The following NACA variants were observed in gnomAD, a reference collection of about 807,000 sequenced individuals.
NACA encodes nascent polypeptide-associated complex subunit alpha.
In NACA, 42 loss-of-function variants were observed where a neutral mutation model predicts 86.4. The observed-to-expected ratio is 0.49, with a 90% CI of 0.38 to 0.63. NACA has a LOEUF of 0.63. Ranked by LOEUF, NACA falls within the 20% of genes least tolerant of loss-of-function variation. The probability of loss-of-function intolerance (pLI) is 0.00; values close to 1 mark genes in which losing one functional copy is unlikely to be tolerated. For synonymous variants in NACA, 898 were observed against 973.7 expected (o/e 0.92, Z 1.45); for missense variants, 2,157 against 2,483.6 (o/e 0.87, Z 2.80).
chr12:56,718,824 A>G lies in NACA; in HGVS notation c.2706T>C (p.Thr902=). 1 of 1,439,438 alleles carries G rather than the reference A, an allele frequency of 6.9e-7. No homozygotes were observed. The highest frequency in any genetic ancestry group is 9.4e-7 in the Non-Finnish European group (1 of 1,068,610). 89.2% of individuals were successfully genotyped at this position (1,439,438 alleles called of 1,614,324 possible). ...NLPFPKEGPA[T]PAPKQAPALS... Reference sequence around the variant, plus strand: ...GAGCAGGAGCCTGTTTGGGTGCTGGAGTAGCTGGACCCTCTTTGGGGAAGG... The same window carrying G: ...GAGCAGGAGCCTGTTTGGGTGCTGGGGTAGCTGGACCCTCTTTGGGGAAGG... Residue 902 remains threonine, a synonymous_variant, in exon 3 of 9, where the codon ACT becomes ACC. Transcript: ENST00000454682.
chr12:56,719,491 G>A lies in NACA; in HGVS notation c.2039C>T (p.Thr680Ile), dbSNP rs140274839. 98 of 1,613,918 alleles carry A rather than the reference G, an allele frequency of 6.1e-5. No homozygotes were observed. Among genetic ancestry groups the A allele is most frequent in the South Asian group, 4.3e-4 (39 of 91,076 alleles). The change falls in exon 3 of 9, where the codon ACT becomes ATT. Residue 680 changes from threonine to isoleucine, a missense_variant. Transcript: ENST00000454682. The stretch of plus-strand genomic sequence containing the variant: ...GTGGTTTTTAGGAGCTAAAGAGACA[G>A]TTCCTTCTAGAAAAGGGCTGGCTGT... ...TTTASPFLEG[T>I]VSLAPKNHPV...
intron 8 of NACA, 32 bp from the exon 9 acceptor site, chr12:56,712,584 T>C (rs549642565): frequency 6.2e-7 from 1 of 1,612,552 alleles, no homozygotes; most frequent in South Asian, 1.1e-5. Flanking sequence ...TAGCGGTTCT[T>C]ATAGGCAAAT....
rs1953495809 is a variant in NACA, at chr12:56,719,144, G to A, written c.2386C>T (p.Pro796Ser). 6.8e-7 allele frequency: 1 copy of A among 1,460,934 alleles called. No homozygotes were observed. The highest frequency in any genetic ancestry group is 1.1e-5 in the South Asian group (1 of 88,838). 90.5% of individuals were successfully genotyped at this position (1,460,934 alleles called of 1,614,324 possible). A position where few individuals can be genotyped will look rare whatever the true frequency, so the allele number is the denominator to read the frequency against. Residue 796 changes from proline (P) to serine (S), a missense_variant, in exon 3 of 9, where the codon CCT (proline) becomes TCT (serine). Pro to Ser is a moderately conservative substitution (Grantham distance 74). Around this residue, in one of 8 missense-constraint regions of NACA, gnomAD observed 174 missense variants for 217.0 expected, o/e 0.80. Transcript: ENST00000454682. ...TGAGGAGACACACTAACCCCTAAAG[G>A]AGATGGGGAATCAGCTAGGTAAGTC... is the stretch of plus-strand genomic sequence containing the variant. ...TLTYLADSPSPLGVSVSPQTK... is the reference protein window; with the variant it reads ...TLTYLADSPSSLGVSVSPQTK...
Position 56,714,415 on chromosome 12 carries a change from C to T in NACA, c.5770G>A (p.Glu1924Lys), listed in dbSNP as rs1377682007. The part of the protein sequence containing the change: ...AQLAAAAEID[E>K]EPVSKAKQSR... ...TGTTTTGCTTTACTGACTGGTTCTT[C>T]ATCAATTTCAGCTGCTGCCGCCAGC... The change falls in exon 5 of 9, where the codon GAA becomes AAA. Residue 1924 changes from glutamate to lysine, a missense_variant. Transcript: ENST00000454682. 6.2e-7 allele frequency: 1 copy of T among 1,614,224 alleles called. No homozygotes were observed. Among genetic ancestry groups the T allele is most frequent in the Non-Finnish European group, 8.5e-7 (1 of 1,180,046 alleles).
Position 56,716,202 on chromosome 12 carries a change from A to T in NACA, c.5328T>A (p.Ala1776=), listed in dbSNP as rs1953355316. The T allele has an allele frequency of 6.2e-7, 1 of 1,613,632 alleles. No individual in the cohort carries two copies. The highest frequency in any genetic ancestry group is 8.5e-7 in the Non-Finnish European group (1 of 1,179,894). ...GTTTAGGAAGGACCTTCTCAAAGGC[A>T]GCTGCTGTTAGAGGGGTGGACGCCT... ...ESKASTPLTA[A]AFEKVLPKPE... Residue 1776 remains alanine, a synonymous_variant, in exon 3 of 9, where the codon GCT becomes GCA. Coordinates refer to ENST00000454682, the MANE Select transcript of NACA (RefSeq NM_001365896.1).
At position 56,713,522 on chromosome 12, in the gene NACA, G is replaced by T. The variant is rs201774060; in HGVS notation, c.5970+15C>A. ...AACCCTGGTCTGGAACAATGCCCAAGAAAAGTTTACTCACCTTGGCTTCCC... is the reference window on the plus strand; with the variant it reads ...AACCCTGGTCTGGAACAATGCCCAATAAAAGTTTACTCACCTTGGCTTCCC... On this transcript the variant is annotated intron_variant, in intron 6 of 8. Transcript: ENST00000454682. The T allele has an allele frequency of 9.9e-6, 16 of 1,613,022 alleles. No individual in the cohort carries two copies. In the African/African-American group the frequency reaches 2.0e-4, roughly 20 times the overall value.
Position 56,716,955 on chromosome 12 carries a change from G to GT in NACA, c.4574dup (p.Asp1525GlufsTer12). On this transcript the variant is annotated frameshift_variant, in exon 3 of 9. Coordinates refer to ENST00000454682, the MANE Select transcript of NACA (RefSeq NM_001365896.1). LOFTEE classifies it high-confidence loss of function. ...GAAGAGTCGCTGTTGGGGCAATGGG[G>GT]TCCCTTCTGGAGGATGGGGTAGCTG... 1 of 1,300,336 alleles carries GT rather than the reference G, an allele frequency of 7.7e-7. No homozygotes were observed. Among genetic ancestry groups the GT allele is most frequent in the Non-Finnish European group, 9.9e-7 (1 of 1,005,046 alleles). The allele number at this position is 1,300,336 out of a possible 1,614,324, so 80.5% of individuals were successfully genotyped here. A position where few individuals can be genotyped will look rare whatever the true frequency, so the allele number is the denominator to read the frequency against.
At chr12:56,714,162 A>G in intron 5 of NACA, 200 bp downstream of exon 5, 1 of 569,232 alleles carries the variant, frequency 1.8e-6, no homozygotes, top group East Asian at 3.0e-5. Context: ...GTTACTTTCA[A>G]CGGGATTCTA....
intron 4 of NACA, 52 bp from the exon 5 acceptor site, chr12:56,714,491 AC>A (rs1409877057): frequency 4.4e-6 from 7 of 1,605,902 alleles, no homozygotes; most frequent in Non-Finnish European, 6.0e-6. Context: ...TCTGGATAGC[AC>A]AATCTCCTTG....
In NACA at chr12:56,719,115, AG is replaced by A. The variant is rs1953494786; in HGVS notation, c.2414del (p.Thr805IlefsTer66). On this transcript the variant is annotated frameshift_variant, in exon 3 of 9. Coordinates refer to ENST00000454682, the MANE Select transcript of NACA (RefSeq NM_001365896.1). LOFTEE classifies it high-confidence loss of function. ...AACCCTTCTTGGTTGGAGGTCTTTT[AG>A]TCTGAGGAGACACACTAACCCCTAA... ...SPLGVSVSPQ[T>X]KRPPTKKGSA... 1 of 1,454,266 alleles carries A rather than the reference AG, an allele frequency of 6.9e-7. No homozygotes were observed. The highest frequency in any genetic ancestry group is 9.3e-7 in the Non-Finnish European group (1 of 1,076,186). 90.1% of individuals were successfully genotyped at this position (1,454,266 alleles called of 1,614,324 possible). A position where few individuals can be genotyped will look rare whatever the true frequency, so the allele number is the denominator to read the frequency against.
Position 56,716,448 on chromosome 12 carries a change from T to G in NACA, c.5082A>C (p.Pro1694=), listed in dbSNP as rs774779922. The change falls in exon 3 of 9, where the codon CCA becomes CCC. Residue 1694 remains proline (P), a synonymous_variant. Coordinates refer to ENST00000454682, the MANE Select transcript of NACA (RefSeq NM_001365896.1). ...VLVAPAPEST[P]IITAPTRKGP... is the part of the protein sequence containing the mutation. Reference sequence around the variant, plus strand: ...CTTTCCGAGTGGGAGCTGTGATGATTGGCGTGCTTTCTGGAGCTGGGGCAA... The same window carrying G: ...CTTTCCGAGTGGGAGCTGTGATGATGGGCGTGCTTTCTGGAGCTGGGGCAA... 6.3e-7 allele frequency: 1 copy of G among 1,575,968 alleles called. No individual in the cohort carries two copies.
chr12:56,714,277 T>C (rs1953288349), intron 5 of NACA, 85 bp downstream of exon 5: 1 of 1,425,418 alleles, frequency 7.0e-7, no homozygotes, highest in Non-Finnish European at 9.8e-7. Flanking sequence ...AAATACCACC[T>C]GTTCCCCAAA....
At chr12:56,713,275 C>A in intron 6 of NACA, 85 bp from the exon 7 acceptor site, 2 of 1,497,860 alleles carry the variant, frequency 1.3e-6, no homozygotes, top group Non-Finnish European at 1.8e-6. Context: ...TCTCTGTAAA[C>A]CCATTCAGGT....
rs1389885908 is a variant in NACA, at chr12:56,724,470, G to C, written c.52C>G (p.Gln18Glu). Reference sequence around the variant, plus strand: ...AACCTACCTGTCTCAGCCTGGGGCTGCGGCAACTCCTGCTCTGTAGCAGGG... The same window carrying C: ...AACCTACCTGTCTCAGCCTGGGGCTCCGGCAACTCCTGCTCTGTAGCAGGG... ...TVPATEQELP[Q>E]PQAETAVLPM... is the part of the protein sequence containing the mutation. Residue 18 changes from glutamine to glutamate, a missense_variant, in exon 2 of 9, where the codon CAG becomes GAG. This residue lies in a region of NACA where 947 missense variants were observed against 917.9 expected (regional missense o/e 1.03). Transcript: ENST00000454682. 6.2e-7 allele frequency: 1 copy of C among 1,612,288 alleles called. No homozygotes were observed. The highest frequency in any genetic ancestry group is 8.5e-7 in the Non-Finnish European group (1 of 1,179,314).
chr12:56,719,280 C>CT lies in NACA; in HGVS notation c.2249dup (p.Val751GlyfsTer2), dbSNP rs1045997377. On this transcript the variant is annotated frameshift_variant, in exon 3 of 9. Coordinates refer to ENST00000454682, the MANE Select transcript of NACA (RefSeq NM_001365896.1). LOFTEE classifies it high-confidence loss of function. The stretch of plus-strand genomic sequence containing the variant: ...CTGAAGTATGAGAAATACCATCAAC[C>CT]TTTTTTGTACCTGGAGGAGTCCCAG... 13 of 1,580,762 alleles carry CT rather than the reference C, an allele frequency of 8.2e-6. No homozygotes were observed. The highest frequency in any genetic ancestry group is 1.1e-5 in the South Asian group (1 of 89,806).
At position 56,720,736 on chromosome 12, in the gene NACA, C is replaced by A. The variant is rs1185945942; in HGVS notation, c.794G>T (p.Ser265Ile). Reference sequence around the variant, plus strand: ...AGGTGGACTAACAGGCCCCTTCAGGCTGAGGCTTCCTGGGTTTTGTGGAGA... The same window carrying A: ...AGGTGGACTAACAGGCCCCTTCAGGATGAGGCTTCCTGGGTTTTGTGGAGA... ...LISPQNPGSL[S>I]LKGPVSPPAA... Residue 265 changes from serine (S) to isoleucine (I), a missense_variant, in exon 3 of 9, where the codon AGC (serine) becomes ATC (isoleucine). By Grantham distance (142) the Ser-to-Ile change is moderately radical (BLOSUM62 -2). Transcript: ENST00000454682. The A allele has an allele frequency of 6.2e-7, 1 of 1,613,932 alleles. No homozygotes were observed. Among genetic ancestry groups the A allele is most frequent in the Admixed American group, 1.7e-5 (1 of 60,018 alleles).
Position 56,713,432 on chromosome 12 carries a change from A to T in NACA, c.5970+105T>A. 2.8e-6 allele frequency: 4 copies of T among 1,432,304 alleles called. No homozygotes were observed. In the South Asian group the frequency reaches 5.3e-5, roughly 19 times the overall value. 88.7% of individuals were successfully genotyped at this position (1,432,304 alleles called of 1,614,324 possible). On this transcript the variant is annotated intron_variant, in intron 6 of 8. Coordinates refer to ENST00000454682, the MANE Select transcript of NACA (RefSeq NM_001365896.1). ...TTTTTGGGTAATCAAAACTGGATGT[A>T]ATGGATAGCCCTTCCATAACAGAGA...
Position 56,717,238 on chromosome 12 carries a change from C to T in NACA, c.4292G>A (p.Gly1431Glu). The T allele has an allele frequency of 7.6e-7, 1 of 1,321,320 alleles. No individual in the cohort carries two copies. 81.8% of individuals were successfully genotyped at this position (1,321,320 alleles called of 1,614,324 possible). ...AGTCACTGCTGGGGGAGTGAGATCT[C>T]CTTTGGATGGGGTGGCTGCGCCTTC... ...TREGAATPSK[G>E]DLTPPAVTPV... The change falls in exon 3 of 9, where the codon GGA becomes GAA. Residue 1431 changes from glycine to glutamate, a missense_variant. Gly to Glu is a moderately conservative substitution (Grantham distance 98, BLOSUM62 -2). This residue lies in a region of NACA where 797 missense variants were observed against 777.6 expected (regional missense o/e 1.02). Transcript: ENST00000454682.
rs937824270 is a variant in NACA, at chr12:56,713,397, G to T, written c.5970+140C>A. ...TAGTTAGGTCTCCCAGGAGATATAT[G>T]GCAATGGAGTTTTTGGGTAATCAAA... On this transcript the variant is annotated intron_variant, in intron 6 of 8. Transcript: ENST00000454682. 9 of 1,273,896 alleles carry T rather than the reference G, an allele frequency of 7.1e-6. No individual in the cohort carries two copies. The African/African-American group carries it at 1.4e-4, about 19-fold the overall frequency. 78.9% of individuals were successfully genotyped at this position (1,273,896 alleles called of 1,614,324 possible). A position where few individuals can be genotyped will look rare whatever the true frequency, so the allele number is the denominator to read the frequency against.
Sources: gnomAD v4.1 joint callset for allele counts on GRCh38, gnomAD v4.1.1 for gene constraint, gnomAD v4.1.1 regional missense constraint, MANE v1.5 for transcripts, NCBI Gene and HGNC (gene_info 2026-07-23, HGNC 2026-07-21) for gene names.